The following CRACDL variants were observed in gnomAD, a reference collection of about 807,000 sequenced individuals.
CRACDL encodes the protein CRACD like.
Under a neutral mutation model 70.6 loss-of-function variants are expected in CRACDL, and 26 were observed. That is an observed-to-expected ratio of 0.37 (90% confidence interval 0.27 to 0.51). CRACDL has a LOEUF of 0.51. Among genes scored for constraint, CRACDL ranks in the 20% least tolerant of loss-of-function variants. The pLI is 0.94. For missense variants in CRACDL, 1,283 were observed against 1,376.9 expected (o/e 0.93, Z 1.08); for synonymous variants, 618 against 615.2 (o/e 1.00, Z -0.07).
intron 3 of CRACDL, among the ~76,000 whole-genome samples, chr2:98,833,896 A>G (rs986585406): frequency 6.6e-6 from 1 of 152,208 alleles, no homozygotes; most frequent in Non-Finnish European, 1.5e-5. Context: ...ACTGTGGGGC[A>G]TTAAGGACTC....
intron 8 of CRACDL, 133 bp downstream of exon 8, chr2:98,797,217 C>T: frequency 2.4e-6 from 2 of 817,876 alleles, no homozygotes; most frequent in Non-Finnish European, 3.9e-6. Context: ...CTCGACCACA[C>T]ATCCACAACC....
At chr2:98,930,603 CT>C (rs1466924152) in intron 1 of CRACDL, among the ~76,000 whole-genome samples, 6 of 151,862 alleles carry the variant, frequency 4.0e-5, no homozygotes, top group Non-Finnish European at 8.8e-5. Context: ...TGTCCCACCC[CT>C]GTCCTGTGTC....
At position 98,846,735 on chromosome 2, in the gene CRACDL, G is replaced by A. The variant is rs1169596450; in HGVS notation, c.66C>T (p.Ser22=). ...GCAGGGGAAGCAGGGCCTTACCTGT[G>A]CTGTCCTCCCCAAGGCCTTCTGCAG... The part of the protein sequence containing the change: ...REAAEGLGED[S]TGKKKSKFKT... The change falls in exon 2 of 10, where the codon AGC becomes AGT. Residue 22 remains serine, a synonymous_variant. Transcript: ENST00000397899. The A allele has an allele frequency of 6.2e-7, 1 of 1,613,728 alleles. No homozygotes were observed. The highest frequency in any genetic ancestry group is 1.3e-5 in the African/African-American group (1 of 74,932).
chr2:98,904,237 T>C (rs991312822), intron 1 of CRACDL, among the ~76,000 whole-genome samples: 1 of 152,180 alleles, frequency 6.6e-6, no homozygotes, highest in Non-Finnish European at 1.5e-5. Flanking sequence ...CTTACTTAGG[T>C]ACACCCTCAT....
intron 1 of CRACDL, among the ~76,000 whole-genome samples, chr2:98,885,301 G>A (rs1707771437): frequency 6.6e-6 from 1 of 152,170 alleles, no homozygotes; most frequent in South Asian, 2.1e-4. Flanking sequence ...CCCTGTACTA[G>A]GCTGATTTAA....
chr2:98,875,818 G>A (rs1707475345), intron 1 of CRACDL, among the ~76,000 whole-genome samples: 1 of 152,246 alleles, frequency 6.6e-6, no homozygotes, highest in Admixed American at 6.5e-5. Context: ...ATAGGAACCT[G>A]TCAGCTAATG....
chr2:98,888,176 G>T (rs1247382254), intron 1 of CRACDL, among the ~76,000 whole-genome samples: 1 of 152,210 alleles, frequency 6.6e-6, no homozygotes, highest in African/African-American at 2.4e-5. Flanking sequence ...AATGAGCATT[G>T]AACAGTAATC....
rs555661169 is a variant in CRACDL at position 98,923,079 on chromosome 2, G to A, written c.-11+12859C>T. Among the ~76,000 whole-genome samples the A allele has an allele frequency of 2.0e-5, 3 of 152,128 alleles. No individual in the cohort carries two copies. In the South Asian group the frequency reaches 6.2e-4, roughly 32 times the overall value. On this transcript the variant is annotated intron_variant, in intron 1 of 9. Coordinates refer to ENST00000397899, the MANE Select transcript of CRACDL (RefSeq NM_207362.3). ...GAGCTCAGCAGTTCGAGACCAGCCT[G>A]GGCAACACAGTGAAATCTCGTCTCT...
rs1416908277 is a variant in CRACDL, at chr2:98,823,501, T to C, written c.772A>G (p.Thr258Ala). Residue 258 changes from threonine (T) to alanine (A), a missense_variant, in exon 7 of 10, where the codon ACC (threonine) becomes GCC (alanine). Physicochemically the swap from Thr to Ala is moderately conservative, Grantham distance 58 (BLOSUM62 0). This residue lies in a region of CRACDL where 362 missense variants were observed against 495.0 expected (regional missense o/e 0.73). Transcript: ENST00000397899. The surrounding 1 kb of genome is among the most constrained non-coding windows in gnomAD (Gnocchi z 4.0). ...TCCTCGTTTTCCTCCTCCTCTGGGG[T>C]GCACGTCAGGTCGCTCAGGGATTCA... is the stretch of plus-strand genomic sequence containing the variant. ...QSESLSDLTC[T>A]PEEEENEEKP... The C allele has an allele frequency of 1.2e-5, 19 of 1,593,116 alleles. No individual in the cohort carries two copies. Among genetic ancestry groups the C allele is most frequent in the Non-Finnish European group, 1.6e-5 (19 of 1,177,312 alleles).
rs532792469 is a variant in CRACDL, at chr2:98,810,136, A to C, written c.2416+11721T>G. Among the ~76,000 whole-genome samples the C allele has an allele frequency of 1.3e-3, 191 of 152,228 alleles. 2 individuals are homozygous for C. Among genetic ancestry groups the C allele is most frequent in the African/African-American group, 4.3e-3 (179 of 41,532 alleles). On this transcript the variant is annotated intron_variant, in intron 7 of 9. Transcript: ENST00000397899. ...CCCCAGGGCATGGGTATGGGTGCTC[A>C]ACAGAGGAAGAAAAACCCTGGAAGT...
At position 98,822,302 on chromosome 2, in the gene CRACDL, C is replaced by T. The variant is rs749124112; in HGVS notation, c.1971G>A (p.Ala657=). The T allele has an allele frequency of 1.3e-6, 2 of 1,521,002 alleles. No homozygotes were observed. The highest frequency in any genetic ancestry group is 2.1e-5 in the Admixed American group (1 of 48,154). 94.2% of individuals were successfully genotyped at this position (1,521,002 alleles called of 1,614,324 possible). The change falls in exon 7 of 10, where the codon GCG becomes GCA. Residue 657 remains alanine (A), a synonymous_variant. Transcript: ENST00000397899. The surrounding 1 kb of genome is among the most constrained non-coding windows in gnomAD (Gnocchi z 4.9). The part of the protein sequence containing the change: ...PAGPRKSPQE[A]AAAPGTREPC... Reference sequence around the variant, plus strand: ...GCTCTCTCGTGCCGGGCGCGGCGGCCGCCTCCTGAGGGCTCTTGCGCGGCC... The same window carrying T: ...GCTCTCTCGTGCCGGGCGCGGCGGCTGCCTCCTGAGGGCTCTTGCGCGGCC...
chr2:98,888,797 G>T (rs2104630049), intron 1 of CRACDL, among the ~76,000 whole-genome samples: 1 of 152,196 alleles, frequency 6.6e-6, no homozygotes, highest in African/African-American at 2.4e-5. Flanking sequence ...GACACAAATA[G>T]GTTGAAAGTA....
intron 4 of CRACDL, 46 bp from the exon 5 acceptor site, chr2:98,832,558 T>A: frequency 6.7e-7 from 1 of 1,483,464 alleles, no homozygotes; most frequent in Non-Finnish European, 9.2e-7. Context: ...ATCAATGATA[T>A]TTATCAACAA....
At chr2:98,864,527 C>A (rs1707055860) in intron 1 of CRACDL, among the ~76,000 whole-genome samples, 1 of 150,450 alleles carries the variant, frequency 6.6e-6, no homozygotes, top group Non-Finnish European at 1.5e-5. Context: ...AACTCTTTAA[C>A]AAAAACCCAT....
In CRACDL at chr2:98,832,493, A is replaced by G; in HGVS notation, c.395T>C (p.Val132Ala). The G allele has an allele frequency of 6.2e-7, 1 of 1,607,388 alleles. No homozygotes were observed. Among genetic ancestry groups the G allele is most frequent in the Non-Finnish European group, 8.5e-7 (1 of 1,176,724 alleles). The change falls in exon 5 of 10, where the codon GTG becomes GCG. Residue 132 changes from valine to alanine, a missense_variant. Physicochemically the swap from Val to Ala is moderately conservative, Grantham distance 64 (BLOSUM62 0). Transcript: ENST00000397899. ...KALQLKIQCN[V>A]KMGPPPPPGG... is the part of the protein sequence containing the mutation. ...TGGAGGAGGTGGTGGCCCCATTTTCACATTACACTGTATTTTTAACTAGAT... is the reference window on the plus strand; with the variant it reads ...TGGAGGAGGTGGTGGCCCCATTTTCGCATTACACTGTATTTTTAACTAGAT...
intron 1 of CRACDL, among the ~76,000 whole-genome samples, chr2:98,858,724 A>G (rs1028955534): frequency 4.6e-5 from 7 of 152,118 alleles, no homozygotes; most frequent in Non-Finnish European, 7.4e-5. Flanking sequence ...GAAAATCAAT[A>G]AAATGAACAG....
intron 1 of CRACDL, among the ~76,000 whole-genome samples, chr2:98,899,908 G>A (rs1228562323): frequency 6.9e-6 from 1 of 145,306 alleles, no homozygotes; most frequent in Non-Finnish European, 1.5e-5. Context: ...GGCTCAGCAG[G>A]AGGGGAGGCA....
At chr2:98,805,809 C>T (rs531521510) in intron 7 of CRACDL, among the ~76,000 whole-genome samples, 12 of 152,374 alleles carry the variant, frequency 7.9e-5, no homozygotes, top group African/African-American at 2.9e-4. Context: ...TCAGCCGGCT[C>T]TCCTGCTTTC....
chr2:98,795,990 C>T (rs997480345), intron 9 of CRACDL, 130 bp downstream of exon 9: 32 of 814,292 alleles, frequency 3.9e-5, no homozygotes, highest in Non-Finnish European at 5.2e-5. Context: ...ATTGTATCTC[C>T]GTAAGAGCTG....
Sources: allele counts gnomAD v4.1 joint callset (sites outside exome capture counted in the v4.1 genomes callset), GRCh38; gene constraint gnomAD v4.1.1; regional missense constraint gnomAD v4.1.1; non-coding constraint Gnocchi (gnomAD v3.1); transcripts MANE v1.5; gene names NCBI Gene and HGNC (gene_info 2026-07-23, HGNC 2026-07-21).